Variants in EZH2 observed in about 807,000 individuals in gnomAD.
EZH2 encodes histone-lysine N-methyltransferase EZH2.
Under a neutral mutation model 98.4 loss-of-function variants are expected in EZH2, and 18 were observed. That is an observed-to-expected ratio of 0.18 (90% CI 0.13 to 0.27). The LOEUF (loss-of-function observed/expected upper bound fraction) is 0.27, where lower values mean the gene tolerates loss of function less well. Among genes scored for constraint, EZH2 ranks in the 10% least tolerant of loss-of-function variants. The pLI, the probability that EZH2 is intolerant of heterozygous loss-of-function variation, is 1.00. For missense variants in EZH2, 470 were observed against 935.1 expected, an observed-to-expected ratio of 0.50 and a Z score of 6.49; for synonymous variants, 338 against 312.3, an observed-to-expected ratio of 1.08 and a Z score of -0.87.
At chr7:148,866,581 C>CATATATATACGTATATAA (rs1818530893) in intron 1 of EZH2, among the ~76,000 whole-genome samples, 1 of 142,644 alleles carries the variant, frequency 7.0e-6, no homozygotes, top group Non-Finnish European at 1.5e-5. Context: ...TACGTATATA[C>CATATATATACGTATATAA]ATATATTGTA....
At chr7:148,814,422 T>C (rs904389153) in intron 14 of EZH2, among the ~76,000 whole-genome samples, 3 of 152,200 alleles carry the variant, frequency 2.0e-5, no homozygotes, top group African/African-American at 7.2e-5. Context: ...ATATCCATGG[T>C]CCTTGACCAT....
chr7:148,812,983 G>C (rs1456976444), intron 15 of EZH2, among the ~76,000 whole-genome samples: 1 of 151,956 alleles, frequency 6.6e-6, no homozygotes, highest in East Asian at 1.9e-4. Context: ...GGACTTGCTG[G>C]TAAGAAGTGT....
At chr7:148,829,032 T>C in intron 5 of EZH2, 152 bp from the exon 6 acceptor site, 1 of 831,362 alleles carries the variant, frequency 1.2e-6, no homozygotes, top group Non-Finnish European at 1.8e-6. Context: ...TAAGATCATT[T>C]TCAGGACTGG....
chr7:148,882,211 T>C (rs1350807605), intron 1 of EZH2, among the ~76,000 whole-genome samples: 1 of 152,164 alleles, frequency 6.6e-6, no homozygotes, highest in Admixed American at 6.5e-5. Context: ...ATGTAATAAA[T>C]TTATATTGCA....
At position 148,826,607 on chromosome 7, in the gene EZH2, G is replaced by A. The variant is rs2129475548; in HGVS notation, c.754C>T (p.Leu252Phe). 1 of 1,548,070 alleles carries A rather than the reference G, an allele frequency of 6.5e-7. No homozygotes were observed. The highest frequency in any genetic ancestry group is 8.7e-7 in the Non-Finnish European group (1 of 1,144,208). ...CATTCAGGAGGAAGTGCGCCTGGGA[G>A]CTGCTGTTCGGTGAGTTCTTTATAT... is the stretch of plus-strand genomic sequence containing the variant. Reference protein sequence around the residue: ...EKYKELTEQQLPGALPPECTP... With the variant: ...EKYKELTEQQFPGALPPECTP... The change falls in exon 8 of 20, where the codon CTC becomes TTC. Residue 252 changes from leucine (L) to phenylalanine (F), a missense_variant. This residue lies in a region of EZH2 where 192 missense variants were observed against 306.8 expected (regional missense o/e 0.63). Coordinates refer to ENST00000320356, the MANE Select transcript of EZH2 (RefSeq NM_004456.5).
chr7:148,839,214 C>G (rs1198979464), intron 3 of EZH2, among the ~76,000 whole-genome samples: 1 of 152,152 alleles, frequency 6.6e-6, no homozygotes, highest in Admixed American at 6.5e-5. Context: ...AAGGCTGATT[C>G]TGCTGATCTT....
At chr7:148,813,570 T>C (rs375560720) in intron 15 of EZH2, among the ~76,000 whole-genome samples, 34 of 152,056 alleles carry the variant, frequency 2.2e-4, no homozygotes, top group African/African-American at 7.7e-4. Context: ...ATAAATACTC[T>C]TTGATGAGAA....
chr7:148,870,637 G>C (rs1202122167), intron 1 of EZH2, among the ~76,000 whole-genome samples: 1 of 151,598 alleles, frequency 6.6e-6, no homozygotes, highest in East Asian at 1.9e-4. Flanking sequence ...AGGAGGTCAA[G>C]GCTGCAGTGA....
intron 3 of EZH2, among the ~76,000 whole-genome samples, chr7:148,834,192 G>A (rs930973968): frequency 2.6e-5 from 4 of 151,894 alleles, no homozygotes; most frequent in Non-Finnish European, 5.9e-5. Context: ...CCCTGTCTAC[G>A]AATCCGAGAT....
At chr7:148,830,816 A>G (rs1166506645) in intron 4 of EZH2, among the ~76,000 whole-genome samples, 1 of 152,224 alleles carries the variant, frequency 6.6e-6, no homozygotes, top group Non-Finnish European at 1.5e-5. Context: ...TAGGAGGAAG[A>G]GCATTTTCAA....
intron 2 of EZH2, 86 bp from the exon 3 acceptor site, chr7:148,846,684 A>T: frequency 8.4e-7 from 1 of 1,184,552 alleles, no homozygotes; most frequent in Non-Finnish European, 1.2e-6. Flanking sequence ...TTAAAAATCT[A>T]GTGTATCCTC....
chr7:148,823,802 C>T (rs1806868353), intron 8 of EZH2, among the ~76,000 whole-genome samples: 1 of 152,018 alleles, frequency 6.6e-6, no homozygotes, highest in Non-Finnish European at 1.5e-5. Flanking sequence ...AAGGATGAGC[C>T]ACCGCGCCCA....
intron 1 of EZH2, among the ~76,000 whole-genome samples, chr7:148,868,993 G>T (rs1427489357): frequency 6.6e-6 from 1 of 152,094 alleles, no homozygotes; most frequent in African/African-American, 2.4e-5. Flanking sequence ...GGGTAAATTT[G>T]AACTTGCCAA....
In EZH2 at chr7:148,817,884, G is replaced by A; in HGVS notation, c.1233C>T (p.Ser411=). Residue 411 remains serine (S), a synonymous_variant, in exon 10 of 20, where the codon AGC becomes AGT. Transcript: ENST00000320356. ...EEEEKKDETS[S]SSEANSRCQT... Reference sequence around the variant, plus strand: ...TTATTAGACGTGTCTTACCAGAGGAGCTCGAAGTTTCATCTTTCTTCTCTT... The same window carrying A: ...TTATTAGACGTGTCTTACCAGAGGAACTCGAAGTTTCATCTTTCTTCTCTT... 6.2e-7 allele frequency: 1 copy of A among 1,614,170 alleles called. No individual in the cohort carries two copies. Among genetic ancestry groups the A allele is most frequent in the Non-Finnish European group, 8.5e-7 (1 of 1,180,030 alleles).
At chr7:148,858,919 T>A (rs1185156030) in intron 1 of EZH2, among the ~76,000 whole-genome samples, 2 of 152,232 alleles carry the variant, frequency 1.3e-5, no homozygotes, top group Non-Finnish European at 2.9e-5. Flanking sequence ...GAACTTGTAC[T>A]GATCAAACAA....
intron 1 of EZH2, among the ~76,000 whole-genome samples, chr7:148,849,630 C>T (rs1456593298): frequency 1.3e-5 from 2 of 152,076 alleles, no homozygotes; most frequent in Non-Finnish European, 2.9e-5. Flanking sequence ...CAAGATGACC[C>T]CAGCTTTGAG....
intron 8 of EZH2, among the ~76,000 whole-genome samples, chr7:148,822,805 G>C (rs1442307084): frequency 2.6e-5 from 4 of 152,086 alleles, no homozygotes; most frequent in African/African-American, 4.8e-5. Context: ...AGCCAGGTGA[G>C]GTGGTGCGCG....
chr7:148,866,005 T>G (rs1288124778), intron 1 of EZH2, among the ~76,000 whole-genome samples: 1 of 152,194 alleles, frequency 6.6e-6, no homozygotes, highest in Non-Finnish European at 1.5e-5. Flanking sequence ...AGCAGACTCT[T>G]CAGAAACTCC....
intron 1 of EZH2, among the ~76,000 whole-genome samples, chr7:148,869,338 C>CTTTTTTTT (rs143589780): frequency 2.5e-5 from 2 of 80,288 alleles, no homozygotes; most frequent in East Asian, 3.9e-4. Context: ...CAGCAATAGC[C>CTTTTTTTT]TTTTTTTTTT....
Sources: gnomAD v4.1 joint callset for allele counts (sites outside exome capture counted in the v4.1 genomes callset) on GRCh38, gnomAD v4.1.1 for gene constraint, gnomAD v4.1.1 regional missense constraint, MANE v1.5 for transcripts, NCBI Gene and HGNC (gene_info 2026-07-23, HGNC 2026-07-21) for gene names.